Variants in SGCD observed in about 807,000 individuals in gnomAD.
SGCD encodes the protein delta-sarcoglycan.
Under a neutral mutation model 36.6 loss-of-function variants are expected in SGCD, and 18 were observed. The ratio of observed to expected loss-of-function variants is 0.49; its 90% CI spans 0.34 to 0.73. The LOEUF (loss-of-function observed/expected upper bound fraction) is 0.73, where lower values mean the gene tolerates loss of function less well. SGCD is among the 30% of genes least tolerant of loss of function. The pLI, the probability that SGCD is intolerant of heterozygous loss-of-function variation, is 0.01. For synonymous variants in SGCD, 133 were observed against 130.6 expected, an observed-to-expected ratio of 1.02 and a Z score of -0.12; for missense variants, 387 against 346.7, an observed-to-expected ratio of 1.12 and a Z score of -0.92.
At chr5:156,387,887 T>G (rs1243889165) in intron 3 of SGCD, among the ~76,000 whole-genome samples, 1 of 152,210 alleles carries the variant, frequency 6.6e-6, no homozygotes, top group Non-Finnish European at 1.5e-5. Flanking sequence ...AAAACTGACC[T>G]TATTTGTTTT....
chr5:156,646,845 T>C (rs1279067931), intron 6 of SGCD, among the ~76,000 whole-genome samples: 1 of 152,198 alleles, frequency 6.6e-6, no homozygotes, highest in Non-Finnish European at 1.5e-5. Context: ...TAAAAGCTTA[T>C]AGCACAGTCA....
At chr5:156,406,248 T>G (rs1187534228) in intron 3 of SGCD, among the ~76,000 whole-genome samples, 2 of 152,072 alleles carry the variant, frequency 1.3e-5, no homozygotes, top group Admixed American at 1.3e-4. Context: ...CATCATGTTG[T>G]AATTCCTGGG....
chr5:156,287,627 T>TTGTGTGTGTGTGTGTGTGTG (rs70982002), intron 3 of SGCD, among the ~76,000 whole-genome samples: 1 of 146,288 alleles, frequency 6.8e-6, no homozygotes. Flanking sequence ...TTCCGTTTCT[T>TTGTGTGTGTGTGTGTGTGTG]TGTGTGTGTG....
chr5:155,839,891 T>A, the SGCD span, among the ~76,000 whole-genome samples: 3 of 151,996 alleles, frequency 2.0e-5, no homozygotes, highest in Non-Finnish European at 4.4e-5. Context: ...TCAGAATGGG[T>A]TTACGATTCA....
intron 4 of SGCD, among the ~76,000 whole-genome samples, chr5:156,537,386 G>A (rs73297148): frequency 0.032 from 4,856 of 150,760 alleles, 273 homozygotes; most frequent in African/African-American, 0.11. Flanking sequence ...TGTGGATAGA[G>A]AACACATTTC....
At chr5:156,563,504 T>C (rs1581173448) in intron 4 of SGCD, among the ~76,000 whole-genome samples, 1 of 152,222 alleles carries the variant, frequency 6.6e-6, no homozygotes, top group Non-Finnish European at 1.5e-5. Flanking sequence ...TCTTCTACAA[T>C]GTGAATAGCC....
At chr5:156,675,154 T>C (rs930750068) in intron 7 of SGCD, among the ~76,000 whole-genome samples, 2 of 152,092 alleles carry the variant, frequency 1.3e-5, no homozygotes, top group African/African-American at 4.8e-5. Flanking sequence ...TCTGGCAAAA[T>C]TTAAAATCCT....
At chr5:156,734,545 T>G (rs376718318) in intron 7 of SGCD, among the ~76,000 whole-genome samples, 87 of 152,324 alleles carry the variant, frequency 5.7e-4, no homozygotes, top group African/African-American at 1.9e-3. Context: ...TCTCTTTACA[T>G]TATCCCATAT....
intron 6 of SGCD, among the ~76,000 whole-genome samples, chr5:156,606,712 T>A (rs2113439467): frequency 6.6e-6 from 1 of 152,350 alleles, no homozygotes; most frequent in East Asian, 1.9e-4. Context: ...TTGTATCCTC[T>A]TTTATTTCAT....
chr5:155,806,780 G>GT, the SGCD span, among the ~76,000 whole-genome samples: 1 of 152,018 alleles, frequency 6.6e-6, no homozygotes, highest in Admixed American at 6.6e-5. Context: ...GAAATCCTGT[G>GT]TTTTTTAGGC....
intron 7 of SGCD, among the ~76,000 whole-genome samples, chr5:156,748,576 G>C (rs926545276): frequency 6.6e-6 from 1 of 152,002 alleles, no homozygotes; most frequent in African/African-American, 2.4e-5. Context: ...AAGATAAAGA[G>C]GATAAACCAA....
chr5:156,096,059 G>T (rs544795006), intron 1 of SGCD, among the ~76,000 whole-genome samples: 2 of 152,200 alleles, frequency 1.3e-5, no homozygotes, highest in Non-Finnish European at 2.9e-5. Context: ...GGCAGGAAGA[G>T]AAGGGACATT....
At chr5:156,739,260 C>T (rs1383244114) in intron 7 of SGCD, among the ~76,000 whole-genome samples, 1 of 152,118 alleles carries the variant, frequency 6.6e-6, no homozygotes, top group African/African-American at 2.4e-5. Context: ...TGGCCCTAGA[C>T]CTTGCTCAGA....
At chr5:156,624,543 T>G (rs1031653235) in intron 6 of SGCD, among the ~76,000 whole-genome samples, 3 of 152,184 alleles carry the variant, frequency 2.0e-5, no homozygotes, top group Non-Finnish European at 4.4e-5. Flanking sequence ...ATTGCGCCAC[T>G]GCACTCCAGC....
intron 1 of SGCD, among the ~76,000 whole-genome samples, chr5:156,073,987 A>G (rs954830424): frequency 6.6e-6 from 1 of 152,224 alleles, no homozygotes; most frequent in Non-Finnish European, 1.5e-5. Context: ...TTGAAGGGTG[A>G]GTAAGATTCA....
At chr5:156,724,754 A>C (rs1282136204) in intron 7 of SGCD, among the ~76,000 whole-genome samples, 2 of 152,232 alleles carry the variant, frequency 1.3e-5, no homozygotes, top group African/African-American at 2.4e-5. Context: ...AATATCTATA[A>C]GCCCCCAGTT....
intron 3 of SGCD, among the ~76,000 whole-genome samples, chr5:156,156,670 A>G (rs1762972409): frequency 1.3e-5 from 2 of 151,314 alleles, no homozygotes; most frequent in South Asian, 4.1e-4. Context: ...AGAACACCCC[A>G]AACCTATCGA....
At chr5:156,617,490 A>G (rs911525245) in intron 6 of SGCD, among the ~76,000 whole-genome samples, 1 of 152,202 alleles carries the variant, frequency 6.6e-6, no homozygotes, top group African/African-American at 2.4e-5. Context: ...ACAGAAATTT[A>G]TAGGAGCAAT....
chr5:156,653,668 C>A (rs2113607346), intron 7 of SGCD, among the ~76,000 whole-genome samples: 1 of 151,618 alleles, frequency 6.6e-6, no homozygotes, highest in Non-Finnish European at 1.5e-5. Flanking sequence ...TAGCCCAGAC[C>A]AGTGTGTCTG....
Sources: gnomAD v4.1 joint callset for allele counts (sites outside exome capture counted in the v4.1 genomes callset) on GRCh38, gnomAD v4.1.1 for gene constraint, MANE v1.5 for transcripts, NCBI Gene and HGNC (gene_info 2026-07-23, HGNC 2026-07-21) for gene names.